TSHZ2: variants seen among roughly 807,000 people sequenced by gnomAD.
TSHZ2 encodes teashirt zinc finger homeobox 2, also known as teashirt homolog 2.
TSHZ2 carries 21 observed loss-of-function variants against 74.4 expected under a neutral mutation model. The observed-to-expected ratio is 0.28, with a 90% CI of 0.20 to 0.41. The LOEUF is 0.41. TSHZ2 is among the 10% of genes least tolerant of loss of function. The pLI, the probability that TSHZ2 is intolerant of heterozygous loss-of-function variation, is 1.00. For missense variants in TSHZ2, 1,244 were observed against 1,293.5 expected (o/e 0.96, Z 0.59); for synonymous variants, 540 against 515.3 (o/e 1.05, Z -0.65).
chr20:53,128,901 T>C (rs1475816125), intron 1 of TSHZ2, among the ~76,000 whole-genome samples: 2 of 152,138 alleles, frequency 1.3e-5, no homozygotes, highest in Non-Finnish European at 2.9e-5. Flanking sequence ...ATTACAGGCA[T>C]AAGCCACCAT....
intron 2 of TSHZ2, among the ~76,000 whole-genome samples, chr20:53,394,480 A>G (rs964599408): frequency 6.6e-6 from 1 of 152,154 alleles, no homozygotes; most frequent in African/African-American, 2.4e-5. Context: ...AACTCACCAA[A>G]TATCTGCTAA....
intron 1 of TSHZ2, among the ~76,000 whole-genome samples, chr20:53,080,587 A>G: frequency 6.6e-6 from 1 of 152,174 alleles, no homozygotes; most frequent in East Asian, 1.9e-4. Flanking sequence ...GGCATTAGTT[A>G]GAGTCTCCTA....
At chr20:53,225,128 C>T (rs1989655683) in intron 1 of TSHZ2, among the ~76,000 whole-genome samples, 1 of 152,184 alleles carries the variant, frequency 6.6e-6, no homozygotes, top group Non-Finnish European at 1.5e-5. Context: ...TTAGTGAAAA[C>T]AGGCAGTGGG....
intron 1 of TSHZ2, among the ~76,000 whole-genome samples, chr20:53,003,882 T>C (rs1982535344): frequency 6.6e-6 from 1 of 151,896 alleles, no homozygotes; most frequent in Non-Finnish European, 1.5e-5. Context: ...TCTTTCCTTC[T>C]TTTTTTTCTT....
intron 1 of TSHZ2, among the ~76,000 whole-genome samples, chr20:52,982,635 A>T (rs1981610941): frequency 6.6e-6 from 1 of 152,238 alleles, no homozygotes; most frequent in African/African-American, 2.4e-5. Context: ...CCCTGCCCTC[A>T]CACAGCTAAT....
intron 1 of TSHZ2, among the ~76,000 whole-genome samples, chr20:53,081,916 G>T (rs1600680891): frequency 1.4e-5 from 2 of 143,084 alleles, no homozygotes; most frequent in African/African-American, 2.6e-5. Context: ...TTTTTTCTGA[G>T]ACAGAGTCTT....
At chr20:53,469,079 A>G (rs1985667524) in intron 2 of TSHZ2, among the ~76,000 whole-genome samples, 2 of 134,400 alleles carry the variant, frequency 1.5e-5, no homozygotes, top group African/African-American at 5.4e-5. Context: ...ATATATATAT[A>G]TATATGTACA....
At chr20:53,101,474 A>C (rs893582245) in intron 1 of TSHZ2, among the ~76,000 whole-genome samples, 1 of 152,174 alleles carries the variant, frequency 6.6e-6, no homozygotes, top group Non-Finnish European at 1.5e-5. Flanking sequence ...AGCCAGGAAA[A>C]TGTTCTGCAT....
At chr20:53,353,629 A>G (rs765571942) in intron 2 of TSHZ2, among the ~76,000 whole-genome samples, 1 of 152,214 alleles carries the variant, frequency 6.6e-6, no homozygotes, top group Non-Finnish European at 1.5e-5. Flanking sequence ...ACAGCATACA[A>G]CTGAGCACCT....
At chr20:53,460,832 TG>T (rs1334763767) in intron 2 of TSHZ2, among the ~76,000 whole-genome samples, 1 of 152,168 alleles carries the variant, frequency 6.6e-6, no homozygotes, top group Non-Finnish European at 1.5e-5. Flanking sequence ...GTGCCCCTGC[TG>T]GGGGGTGCCT....
At chr20:53,289,554 C>T (rs1035838713) in intron 2 of TSHZ2, among the ~76,000 whole-genome samples, 1 of 152,114 alleles carries the variant, frequency 6.6e-6, no homozygotes, top group Non-Finnish European at 1.5e-5. Flanking sequence ...GTTGCATTCC[C>T]TTAATAATTA....
At chr20:53,461,092 T>G (rs1487049236) in intron 2 of TSHZ2, among the ~76,000 whole-genome samples, 1 of 152,104 alleles carries the variant, frequency 6.6e-6, no homozygotes, top group Non-Finnish European at 1.5e-5. Context: ...CCCGGCTGCT[T>G]TGTTTACCTA....
intron 2 of TSHZ2, among the ~76,000 whole-genome samples, chr20:53,335,983 A>G (rs200602): frequency 0.5 from 75,928 of 152,080 alleles, 19,679 homozygotes; most frequent in African/African-American, 0.62. Flanking sequence ...TTGAATTCCT[A>G]TAATATTTTC....
chr20:53,198,348 G>A (rs1466711742), intron 1 of TSHZ2: 1 of 152,192 alleles, frequency 6.6e-6, no homozygotes, highest in Non-Finnish European at 1.5e-5. Flanking sequence ...TGTGCCACAT[G>A]AACTGAGTAC....
At chr20:53,081,226 C>T (rs2123229922) in intron 1 of TSHZ2, among the ~76,000 whole-genome samples, 1 of 152,150 alleles carries the variant, frequency 6.6e-6, no homozygotes, top group African/African-American at 2.4e-5. Flanking sequence ...AAGATGAGGT[C>T]TCGCTATGTT....
intron 1 of TSHZ2, among the ~76,000 whole-genome samples, chr20:53,100,530 G>A (rs1241670028): frequency 6.6e-6 from 1 of 152,176 alleles, no homozygotes; most frequent in East Asian, 1.9e-4. Context: ...TGTTTTAGCA[G>A]GAAGCCTGCA....
intron 1 of TSHZ2, among the ~76,000 whole-genome samples, chr20:53,049,079 C>T (rs896648854): frequency 2.0e-5 from 3 of 151,998 alleles, no homozygotes; most frequent in Non-Finnish European, 2.9e-5. Flanking sequence ...TCATTGACAT[C>T]GTGTTTGTAA....
intron 1 of TSHZ2, among the ~76,000 whole-genome samples, chr20:53,075,790 C>T (rs1290440584): frequency 1.3e-5 from 2 of 152,144 alleles, no homozygotes; most frequent in African/African-American, 2.4e-5. Flanking sequence ...CACACTGGGA[C>T]AAGTCAGCCA....
chr20:53,270,291 T>C (rs1204899396), intron 2 of TSHZ2, among the ~76,000 whole-genome samples: 3 of 152,130 alleles, frequency 2.0e-5, no homozygotes, highest in Admixed American at 2.0e-4. Flanking sequence ...AGTTAATGAC[T>C]GATGTGGAGT....
Sources: allele counts gnomAD v4.1 joint callset (sites outside exome capture counted in the v4.1 genomes callset), GRCh38; gene constraint gnomAD v4.1.1; transcripts MANE v1.5; gene names NCBI Gene and HGNC (gene_info 2026-07-23, HGNC 2026-07-21).